RABGEF1: variants seen among roughly 807,000 people sequenced by gnomAD.
RABGEF1 encodes the protein RAB guanine nucleotide exchange factor 1, also known as rab5 GDP/GTP exchange factor.
In RABGEF1, 26 loss-of-function variants were observed where a neutral mutation model predicts 57.3. That is an observed-to-expected ratio of 0.45 (90% confidence interval 0.33 to 0.63). RABGEF1 has a LOEUF of 0.63. Among genes scored for constraint, RABGEF1 ranks in the 20% least tolerant of loss-of-function variants. The probability of loss-of-function intolerance (pLI) is 0.02; values close to 1 mark genes in which losing one functional copy is unlikely to be tolerated. For synonymous variants in RABGEF1, 185 were observed against 210.7 expected, an observed-to-expected ratio of 0.88 and a Z score of 1.06; for missense variants, 464 against 607.6, an observed-to-expected ratio of 0.76 and a Z score of 2.48.
At chr7:66,801,090 C>T (rs1233462513) in intron 7 of RABGEF1, among the ~76,000 whole-genome samples, 1 of 152,204 alleles carries the variant, frequency 6.6e-6, no homozygotes, top group Non-Finnish European at 1.5e-5. Context: ...TGAGGTCGAA[C>T]ACTCTTTAGG....
At chr7:66,755,738 C>T (rs1271466979) in intron 1 of RABGEF1, 2 of 221,356 alleles carry the variant, frequency 9.0e-6, no homozygotes, top group Non-Finnish European at 8.8e-6. Context: ...ATTAGAGTTA[C>T]AATTTTGCTT....
At chr7:66,801,786 C>T (rs1274603704) in intron 7 of RABGEF1, among the ~76,000 whole-genome samples, 1 of 152,224 alleles carries the variant, frequency 6.6e-6, no homozygotes, top group Non-Finnish European at 1.5e-5. Flanking sequence ...GACAGACACC[C>T]TTTCCCATTT....
intron 2 of RABGEF1, among the ~76,000 whole-genome samples, chr7:66,734,650 C>T (rs1373705522): frequency 6.9e-6 from 1 of 145,030 alleles, no homozygotes; most frequent in Non-Finnish European, 1.5e-5. Context: ...CCAGGCTGGT[C>T]TCGAACTCCT....
At chr7:66,771,274 G>A (rs1807056432) in intron 1 of RABGEF1, among the ~76,000 whole-genome samples, 1 of 152,068 alleles carries the variant, frequency 6.6e-6, no homozygotes, top group Admixed American at 6.6e-5. Context: ...GAATAGCTGG[G>A]ACTACAGGCG....
Position 66,793,045 on chromosome 7 carries a change from C to T in RABGEF1, c.514-2466C>T, listed in dbSNP as rs551049954. ...TTTTCGGCATTGTATTGTAAAATTACAGGGGTTGTGCTGGGCTGGGGGAGG... is the reference window on the plus strand; with the variant it reads ...TTTTCGGCATTGTATTGTAAAATTATAGGGGTTGTGCTGGGCTGGGGGAGG... On this transcript the variant is annotated intron_variant, in intron 4 of 8. Transcript: ENST00000284957. 2.0e-5 allele frequency among the ~76,000 whole-genome samples: 3 copies of T among 152,182 alleles called. No homozygotes were observed. In the South Asian group the frequency reaches 6.2e-4, roughly 32 times the overall value.
chr7:66,804,333 G>A (rs371564334), intron 7 of RABGEF1, among the ~76,000 whole-genome samples: 23 of 152,230 alleles, frequency 1.5e-4, no homozygotes, highest in East Asian at 5.8e-4. Context: ...TGGGACTGTC[G>A]AAAAACATTC....
At chr7:66,714,660 G>A (rs1044495882) in intron 2 of RABGEF1, among the ~76,000 whole-genome samples, 2 of 152,168 alleles carry the variant, frequency 1.3e-5, no homozygotes, top group Non-Finnish European at 2.9e-5. Context: ...TTAGGGCCAG[G>A]CGCAGTGGCT....
At chr7:66,723,679 C>T (rs1348606587) in intron 2 of RABGEF1, among the ~76,000 whole-genome samples, 1 of 151,882 alleles carries the variant, frequency 6.6e-6, no homozygotes, top group Non-Finnish European at 1.5e-5. Context: ...CTCCTGGGTT[C>T]AAGTGATTCT....
intron 1 of RABGEF1, among the ~76,000 whole-genome samples, chr7:66,755,679 T>A (rs2129070660): frequency 6.6e-6 from 1 of 152,280 alleles, no homozygotes. Flanking sequence ...GTAGCCAGAT[T>A]ATCTTGTATG....
chr7:66,772,865 T>A (rs1807493932), intron 2 of RABGEF1, among the ~76,000 whole-genome samples: 1 of 150,766 alleles, frequency 6.6e-6, no homozygotes, highest in South Asian at 2.1e-4. Context: ...TGAGCTGAGA[T>A]CATGCCACTG....
chr7:66,742,150 C>A (rs559276147), intron 1 of RABGEF1, among the ~76,000 whole-genome samples: 9 of 148,780 alleles, frequency 6.0e-5, no homozygotes, highest in Admixed American at 6.7e-5. Context: ...GACTCTATCT[C>A]AAAAAAAAAA....
the RABGEF1 span, among the ~76,000 whole-genome samples, chr7:66,670,997 C>CTA: frequency 2.0e-5 from 3 of 151,080 alleles, no homozygotes; most frequent in African/African-American, 7.3e-5. Flanking sequence ...ATTTATGTAT[C>CTA]TATATATATC....
intron 4 of RABGEF1, among the ~76,000 whole-genome samples, chr7:66,784,803 A>AT (rs1465549449): frequency 1.3e-5 from 2 of 151,712 alleles, no homozygotes; most frequent in African/African-American, 4.8e-5. Flanking sequence ...TTCTCTAGGT[A>AT]TTTTTTCTCT....
chr7:66,679,853 A>T (rs113818119), upstream of RABGEF1, among the ~76,000 whole-genome samples: 429 of 152,212 alleles, frequency 2.8e-3, 1 homozygote, highest in African/African-American at 9.9e-3. Context: ...GACATGGCAA[A>T]ACCTTGTCTC....
At chr7:66,674,905 A>G in the RABGEF1 span, among the ~76,000 whole-genome samples, 1 of 151,940 alleles carries the variant, frequency 6.6e-6, no homozygotes, top group African/African-American at 2.4e-5. Flanking sequence ...TGAACTGTAC[A>G]GTTAATATGT....
chr7:66,745,329 TGG>T (rs1255280578), intron 1 of RABGEF1, among the ~76,000 whole-genome samples: 1 of 152,210 alleles, frequency 6.6e-6, no homozygotes, highest in Non-Finnish European at 1.5e-5. Flanking sequence ...TTCTGGCATG[TGG>T]GTTTTTATTG....
At chr7:66,661,570 C>CA in the RABGEF1 span, among the ~76,000 whole-genome samples, 21 of 149,168 alleles carry the variant, frequency 1.4e-4, no homozygotes, top group Middle Eastern at 3.4e-3. Flanking sequence ...CGAGTCTTCT[C>CA]AAAAAAAAAG....
At chr7:66,750,470 C>A (rs953530537) in intron 1 of RABGEF1, among the ~76,000 whole-genome samples, 4 of 152,106 alleles carry the variant, frequency 2.6e-5, no homozygotes, top group African/African-American at 9.7e-5. Flanking sequence ...TATTAGGGAA[C>A]AAATTGCAGA....
chr7:66,757,991 A>G (rs551967130), intron 1 of RABGEF1, among the ~76,000 whole-genome samples: 1 of 152,268 alleles, frequency 6.6e-6, no homozygotes, highest in African/African-American at 2.4e-5. Flanking sequence ...TAACTGGAAA[A>G]AAAATTTAAG....
Sources: gnomAD v4.1 joint callset for allele counts (sites outside exome capture counted in the v4.1 genomes callset) on GRCh38, gnomAD v4.1.1 for gene constraint, MANE v1.5 for transcripts, NCBI Gene and HGNC (gene_info 2026-07-23, HGNC 2026-07-21) for gene names.